RAB26: variants seen among roughly 807,000 people sequenced by gnomAD.
RAB26 encodes RAB26, member RAS oncogene family, also known as ras-related protein Rab-26.
A neutral mutation model predicts 33.1 loss-of-function variants in RAB26; 39 were observed. That is an observed-to-expected ratio of 1.18 (90% CI 0.91 to 1.54). RAB26 has a LOEUF of 1.54. Ranked by LOEUF, RAB26 falls within the 40% of genes most tolerant of loss-of-function variation. RAB26 has a pLI of 0.00. For missense variants in RAB26, 468 were observed against 362.9 expected, an observed-to-expected ratio of 1.29 and a Z score of -2.35; for synonymous variants, 192 against 151.9, an observed-to-expected ratio of 1.26 and a Z score of -1.94.
chr16:2,153,214 C>T lies in RAB26; in HGVS notation c.660C>T (p.Ala220=). Residue 220 remains alanine, a synonymous_variant, in exon 8 of 9, where the codon GCC becomes GCT. Transcript: ENST00000210187. ...TCAACGTGGACTTGGCCTTCACAGC[C>T]ATAGCAAAGTAAGTCCTGCCAGTCA... is the stretch of plus-strand genomic sequence containing the variant. ...TGLNVDLAFT[A]IAKELKQRSM... is the part of the protein sequence containing the mutation. 1 of 1,613,836 alleles carries T rather than the reference C, an allele frequency of 6.2e-7. No homozygotes were observed.
chr16:2,152,916 A>G, intron 6 of RAB26, 31 bp downstream of exon 6: 5 of 1,597,000 alleles, frequency 3.1e-6, no homozygotes, highest in East Asian at 2.2e-5. Context: ...CACCTGGGCC[A>G]CAGGGCAGGG....
At position 2,148,823 on chromosome 16, in the gene RAB26, AC is replaced by A. The variant is rs1044117076; in HGVS notation, c.45del (p.Ala16LeufsTer82). ...KKTPKSKGAS[T>X]PAASTLPTAN... ...GACCCCCAAGAGCAAAGGGGCCAGCACCCCCGCTGCCTCCACGCTGCCCACC... is the reference window on the plus strand; with the variant it reads ...GACCCCCAAGAGCAAAGGGGCCAGCACCCCGCTGCCTCCACGCTGCCCACC... On this transcript the variant is annotated frameshift_variant, in exon 1 of 9. Transcript: ENST00000210187. LOFTEE classifies it high-confidence loss of function. 1 of 1,409,636 alleles carries A rather than the reference AC, an allele frequency of 7.1e-7. No individual in the cohort carries two copies. The allele number at this position is 1,409,636 out of a possible 1,614,324, so 87.3% of individuals were successfully genotyped here.
intron 2 of RAB26, chr16:2,151,334 T>A (rs1596657329): frequency 1.6e-6 from 1 of 623,388 alleles, no homozygotes; most frequent in Non-Finnish European, 2.9e-6. Flanking sequence ...CCTGGTGGGG[T>A]CATGAGTTCA....
In RAB26 at chr16:2,151,560, CTGTT is replaced by C. The variant is rs1567239685; in HGVS notation, c.307-7_307-4del. ...CCATGCCAGAGCTGCCTGGTTCTGT[CTGTT>C]TCAGAACAAAGTTCTGGACGTGGAT... On this transcript the variant is annotated splice_polypyrimidine_tract_variant and splice_region_variant and intron_variant, in intron 2 of 8. Coordinates refer to ENST00000210187, the MANE Select transcript of RAB26 (RefSeq NM_014353.5). The C allele has an allele frequency of 6.2e-7, 1 of 1,613,762 alleles. No homozygotes were observed. Among genetic ancestry groups the C allele is most frequent in the South Asian group, 1.1e-5 (1 of 91,074 alleles).
chr16:2,150,337 G>A (rs1035843755), intron 2 of RAB26, among the ~76,000 whole-genome samples: 1 of 152,162 alleles, frequency 6.6e-6, no homozygotes, highest in Admixed American at 6.5e-5. Flanking sequence ...CGTCCACTTG[G>A]GGCCAGCAGT....
At chr16:2,152,676 G>C in intron 5 of RAB26, 144 bp from the exon 6 acceptor site, 1 of 674,824 alleles carries the variant, frequency 1.5e-6, no homozygotes, top group Non-Finnish European at 2.3e-6. Context: ...CTGGGAAACA[G>C]GGCGAGACTC....
At position 2,154,016 on chromosome 16, in the gene RAB26, C is replaced by T; in HGVS notation, c.*595C>T. The T allele has an allele frequency of 2.8e-6, 1 of 360,168 alleles. No individual in the cohort carries two copies. The highest frequency in any genetic ancestry group is 2.0e-5 in the South Asian group (1 of 48,858). 22.3% of individuals were successfully genotyped at this position (360,168 alleles called of 1,614,324 possible). Reference sequence around the variant, plus strand: ...AGAAAACACCAGAAACAACAACTGCCAGCCCGGCCTGGCCACAGGTGAGGT... The same window carrying T: ...AGAAAACACCAGAAACAACAACTGCTAGCCCGGCCTGGCCACAGGTGAGGT... On this transcript the variant is annotated 3_prime_UTR_variant, in exon 9 of 9. Coordinates refer to ENST00000210187, the MANE Select transcript of RAB26 (RefSeq NM_014353.5).
intron 1 of RAB26, among the ~76,000 whole-genome samples, 158 bp from the exon 2 acceptor site, chr16:2,149,783 G>A (rs1236994888): frequency 6.6e-6 from 1 of 152,208 alleles, no homozygotes; most frequent in Non-Finnish European, 1.5e-5. Context: ...GCCTTTCAGA[G>A]GCATACGCTG....
intron 5 of RAB26, among the ~76,000 whole-genome samples, chr16:2,152,345 T>C (rs575740272): frequency 6.6e-6 from 1 of 152,278 alleles, no homozygotes; most frequent in South Asian, 2.1e-4. Context: ...GCTACGGCAC[T>C]CCAGCCTGGA....
At chr16:2,153,089 T>C in intron 7 of RAB26, 44 bp downstream of exon 7, 1 of 1,612,992 alleles carries the variant, frequency 6.2e-7, no homozygotes, top group Non-Finnish European at 8.5e-7. Flanking sequence ...CCCTGGAGGC[T>C]GCGAGCCTAG....
At chr16:2,151,041 T>A (rs1373785611) in intron 2 of RAB26, 5 of 352,400 alleles carry the variant, frequency 1.4e-5, no homozygotes, top group Non-Finnish European at 2.8e-5. Flanking sequence ...AGTTCTGGGA[T>A]CTGCGGTTAC....
Position 2,150,058 on chromosome 16 carries a change from G to A in RAB26, c.306+7G>A, listed in dbSNP as rs2092999814. On this transcript the variant is annotated splice_region_variant and intron_variant, in intron 2 of 8. Transcript: ENST00000210187. The stretch of plus-strand genomic sequence containing the variant: ...CGTAGGCATTGACTTCCGGGTGAGT[G>A]GAGGCCCTGGCCTGGCCCCACATCA... 3 of 1,538,466 alleles carry A rather than the reference G, an allele frequency of 1.9e-6. No homozygotes were observed. Among genetic ancestry groups the A allele is most frequent in the Non-Finnish European group, 2.6e-6 (3 of 1,141,016 alleles).
chr16:2,152,830 CCGA>C lies in RAB26; in HGVS notation c.480_482del (p.Glu161del). On this transcript the variant is annotated inframe_deletion, in exon 6 of 9. Coordinates refer to ENST00000210187, the MANE Select transcript of RAB26 (RefSeq NM_014353.5). Reference sequence around the variant, plus strand: ...TGCTGCCTCCCACAGGCCTGGCTGACCGAGATCCACGAGTACGCCCAGCACGAC... The same window carrying C: ...TGCTGCCTCCCACAGGCCTGGCTGACGATCCACGAGTACGCCCAGCACGAC... 6.2e-7 allele frequency: 1 copy of C among 1,606,706 alleles called. No homozygotes were observed. The highest frequency in any genetic ancestry group is 8.5e-7 in the Non-Finnish European group (1 of 1,177,996).
intron 2 of RAB26, chr16:2,151,350 G>A (rs1249438525): frequency 3.1e-6 from 2 of 638,208 alleles, no homozygotes; most frequent in Non-Finnish European, 2.8e-6. Context: ...GTTCAAATAA[G>A]TCAGCGTAAG....
chr16:2,153,379 C>T lies in RAB26; in HGVS notation c.729C>T (p.Tyr243=), dbSNP rs551411702. Reference sequence around the variant, plus strand: ...AGCCGCGCTTCCGGCTGCATGATTACGTTAAGAGGGAGGGTCGAGGGGCCT... The same window carrying T: ...AGCCGCGCTTCCGGCTGCATGATTATGTTAAGAGGGAGGGTCGAGGGGCCT... ...PSEPRFRLHD[Y]VKREGRGASC... is the part of the protein sequence containing the mutation. The change falls in exon 9 of 9, where the codon TAC becomes TAT. Residue 243 remains tyrosine (Y), a synonymous_variant. Transcript: ENST00000210187. 1.3e-5 allele frequency: 21 copies of T among 1,613,390 alleles called. No homozygotes were observed. The East Asian group carries it at 2.5e-4, about 19-fold the overall frequency.
Position 2,153,147 on chromosome 16 carries a change from A to G in RAB26, c.593A>G (p.Glu198Gly), listed in dbSNP as rs1234778056. ...KREDGEKLAK[E>G]YGLPFMETSA... ...CTGGCTGGCAGCAGCTGTTTACAGG[A>G]GTATGGACTGCCCTTCATGGAGACC... The change falls in exon 8 of 9, where the codon GAG (glutamate) becomes GGG (glycine). Residue 198 changes from glutamate to glycine, a missense_variant and splice_region_variant. Transcript: ENST00000210187. The G allele has an allele frequency of 6.2e-7, 1 of 1,613,764 alleles. No individual in the cohort carries two copies. The highest frequency in any genetic ancestry group is 1.1e-5 in the South Asian group (1 of 91,090).
rs770373296 is a variant in RAB26 at position 2,153,030 on chromosome 16, G to A, written c.576G>A (p.Gly192=). 3.1e-6 allele frequency: 5 copies of A among 1,603,736 alleles called. No homozygotes were observed. Among genetic ancestry groups the A allele is most frequent in the Admixed American group, 1.7e-5 (1 of 59,656 alleles). ...AGCGTGTGGTGAAGAGGGAGGACGGGGAGAAGCTGGCCAAGGTGAGTCAGG... is the reference window on the plus strand; with the variant it reads ...AGCGTGTGGTGAAGAGGGAGGACGGAGAGAAGCTGGCCAAGGTGAGTCAGG... ...AHERVVKRED[G]EKLAKEYGLP... is the part of the protein sequence containing the mutation. The change falls in exon 7 of 9, where the codon GGG becomes GGA. Residue 192 remains glycine (G), a synonymous_variant. Transcript: ENST00000210187.
Position 2,153,674 on chromosome 16 carries a change from A to G in RAB26, c.*253A>G. Reference sequence around the variant, plus strand: ...GCACGGGACGGGGAGCGGCAAGTGGACAGACTTTGCCACGGTGCTCTGCTG... The same window carrying G: ...GCACGGGACGGGGAGCGGCAAGTGGGCAGACTTTGCCACGGTGCTCTGCTG... On this transcript the variant is annotated 3_prime_UTR_variant, in exon 9 of 9. Transcript: ENST00000210187. 3.1e-6 allele frequency: 2 copies of G among 644,508 alleles called. No individual in the cohort carries two copies. The highest frequency in any genetic ancestry group is 2.1e-5 in the Admixed American group (1 of 47,796). 39.9% of individuals were successfully genotyped at this position (644,508 alleles called of 1,614,324 possible). A position where few individuals can be genotyped will look rare whatever the true frequency, so the allele number is the denominator to read the frequency against.
At chr16:2,149,032 G>A (rs1330686660) in intron 1 of RAB26, 54 bp downstream of exon 1, 1 of 1,255,604 alleles carries the variant, frequency 8.0e-7, no homozygotes, top group African/African-American at 1.6e-5. Flanking sequence ...CCCGGCCTGA[G>A]CCAAGGGTTG....
Sources: allele counts gnomAD v4.1 joint callset (sites outside exome capture counted in the v4.1 genomes callset), GRCh38; gene constraint gnomAD v4.1.1; transcripts MANE v1.5; gene names NCBI Gene and HGNC (gene_info 2026-07-23, HGNC 2026-07-21).